Variants in USP6NL observed in about 807,000 individuals in gnomAD.
USP6NL encodes USP6 N-terminal like, also known as USP6 N-terminal-like protein.
In USP6NL, 26 loss-of-function variants were observed where a neutral mutation model predicts 61.9. The observed-to-expected ratio is 0.42, with a 90% CI of 0.31 to 0.58. The LOEUF (loss-of-function observed/expected upper bound fraction) is 0.58. Ranked by LOEUF, USP6NL falls within the 20% of genes least tolerant of loss-of-function variation. The pLI is 0.16. For synonymous variants in USP6NL, 432 were observed against 390.1 expected (o/e 1.11, Z -1.27); for missense variants, 1,114 against 1,034.3 (o/e 1.08, Z -1.06).
At position 11,532,098 on chromosome 10, in the gene USP6NL, A is replaced by T; in HGVS notation, c.5-4531T>A. On this transcript the variant is annotated intron_variant, in intron 2 of 14. Coordinates refer to ENST00000609104, the MANE Select transcript of USP6NL (RefSeq NM_014688.5). This position sits in a 1 kb window ranked among gnomAD's most constrained non-coding sequence, Gnocchi z 4.1. ...TCATTTCCAATAAAATAAAATTTACAGCAGACCATTTTTCCTAGAGTACAT... is the reference window on the plus strand; with the variant it reads ...TCATTTCCAATAAAATAAAATTTACTGCAGACCATTTTTCCTAGAGTACAT... 1 of 1,040,500 alleles carries T rather than the reference A, an allele frequency of 9.6e-7. No individual in the cohort carries two copies. Among genetic ancestry groups the T allele is most frequent in the South Asian group, 1.6e-5 (1 of 62,618 alleles). The allele number at this position is 1,040,500 out of a possible 1,614,324, so 64.5% of individuals were successfully genotyped here. A position where few individuals can be genotyped will look rare whatever the true frequency, so the allele number is the denominator to read the frequency against.
rs1833424698 is a variant in USP6NL at position 11,485,495 on chromosome 10, T to C, written c.760-261A>G. Among the ~76,000 whole-genome samples, 1 of 152,170 alleles carries C rather than the reference T, an allele frequency of 6.6e-6. No homozygotes were observed. The highest frequency in any genetic ancestry group is 6.5e-5 in the Admixed American group (1 of 15,278). On this transcript the variant is annotated intron_variant, in intron 11 of 14. Coordinates refer to ENST00000609104, the MANE Select transcript of USP6NL (RefSeq NM_014688.5). The surrounding 1 kb of genome is among the most constrained non-coding windows in gnomAD (Gnocchi z 4.8). ...TATATATAGTTCACTAACAACGAGT[T>C]TCTGTGACCCTGAAAAAATATTTTT...
intron 5 of USP6NL, among the ~76,000 whole-genome samples, chr10:11,512,311 C>T (rs1834755113): frequency 6.6e-6 from 1 of 152,160 alleles, no homozygotes; most frequent in Non-Finnish European, 1.5e-5. Flanking sequence ...ACTAAGCCCT[C>T]CTTCTCTCTC....
chr10:11,534,253 C>T (rs957058451), intron 2 of USP6NL, among the ~76,000 whole-genome samples: 1 of 152,210 alleles, frequency 6.6e-6, no homozygotes, highest in Non-Finnish European at 1.5e-5. Flanking sequence ...GTCCTTGCTG[C>T]GTGCAGAGTT....
At chr10:11,572,023 CA>C (rs1837384189) in intron 2 of USP6NL, among the ~76,000 whole-genome samples, 1 of 150,758 alleles carries the variant, frequency 6.6e-6, no homozygotes, top group Non-Finnish European at 1.5e-5. Context: ...TTCATATATC[CA>C]CATGATGTTT....
chr10:11,527,669 C>T, intron 2 of USP6NL, 102 bp from the exon 3 acceptor site: 1 of 1,023,508 alleles, frequency 9.8e-7, no homozygotes, highest in South Asian at 1.6e-5. Context: ...TAAATACTGC[C>T]TAAAATGACA....
Position 11,474,689 on chromosome 10 carries a change from GA to G in USP6NL, c.1078+7080del, listed in dbSNP as rs1202535720. Among the ~76,000 whole-genome samples, 1 of 151,992 alleles carries G rather than the reference GA, an allele frequency of 6.6e-6. No homozygotes were observed. Reference sequence around the variant, plus strand: ...TCCTGTGCATAGAAAATTTGTCCTTGAATTAATGATTTTTTTTAAAAAAAAC... The same window carrying G: ...TCCTGTGCATAGAAAATTTGTCCTTGATTAATGATTTTTTTTAAAAAAAAC... On this transcript the variant is annotated intron_variant, in intron 14 of 14. Coordinates refer to ENST00000609104, the MANE Select transcript of USP6NL (RefSeq NM_014688.5). The surrounding 1 kb of genome is among the most constrained non-coding windows in gnomAD (Gnocchi z 4.9).
At position 11,528,611 on chromosome 10, in the gene USP6NL, A is replaced by G. The variant is rs1163331014; in HGVS notation, c.5-1044T>C. Among the ~76,000 whole-genome samples, 2 of 152,212 alleles carry G rather than the reference A, an allele frequency of 1.3e-5. No individual in the cohort carries two copies. Among genetic ancestry groups the G allele is most frequent in the Non-Finnish European group, 2.9e-5 (2 of 68,040 alleles). ...CAGCAAAGACAGTTTTCAAATCCAG[A>G]CAGTCTTGACTCCACAGCCCACAAT... On this transcript the variant is annotated intron_variant, in intron 2 of 14. Coordinates refer to ENST00000609104, the MANE Select transcript of USP6NL (RefSeq NM_014688.5). This position sits in a 1 kb window ranked among gnomAD's most constrained non-coding sequence, Gnocchi z 4.6.
chr10:11,555,836 T>TTATGAAAGC (rs1836689585), intron 2 of USP6NL, among the ~76,000 whole-genome samples: 1 of 152,052 alleles, frequency 6.6e-6, no homozygotes, highest in African/African-American at 2.4e-5. Context: ...ACTATGAAAG[T>TTATGAAAGC]CAGAAGATAA....
rs1010841092 is a variant in USP6NL, at chr10:11,532,557, T to C, written c.5-4990A>G. On this transcript the variant is annotated intron_variant, in intron 2 of 14. Coordinates refer to ENST00000609104, the MANE Select transcript of USP6NL (RefSeq NM_014688.5). This position sits in a 1 kb window ranked among gnomAD's most constrained non-coding sequence, Gnocchi z 4.1. ...CACACCAGCCTACACCAGCATTCCA[T>C]CCGCTAACAAACAGCGGCTTGAAAG... Among the ~76,000 whole-genome samples the C allele has an allele frequency of 6.6e-6, 1 of 152,220 alleles. No individual in the cohort carries two copies. The highest frequency in any genetic ancestry group is 6.5e-5 in the Admixed American group (1 of 15,284).
intron 6 of USP6NL, among the ~76,000 whole-genome samples, chr10:11,504,352 A>T (rs2133320931): frequency 6.6e-6 from 1 of 152,336 alleles, no homozygotes; most frequent in South Asian, 2.1e-4. Flanking sequence ...AGTCCAGTTT[A>T]CAGTTGTTGA....
chr10:11,492,162 G>A (rs923849875), intron 8 of USP6NL, among the ~76,000 whole-genome samples: 4 of 152,174 alleles, frequency 2.6e-5, no homozygotes, highest in Non-Finnish European at 4.4e-5. Context: ...TCAGCTGTGA[G>A]CAGAATAATG....
At position 11,485,901 on chromosome 10, in the gene USP6NL, G is replaced by T. The variant is rs894626593; in HGVS notation, c.675C>A (p.Val225=). 16 of 1,543,816 alleles carry T rather than the reference G, an allele frequency of 1.0e-5. No individual in the cohort carries two copies. The highest frequency in any genetic ancestry group is 1.4e-5 in the Non-Finnish European group (16 of 1,145,504). The change falls in exon 11 of 15, where the codon GTC becomes GTA. Residue 225 remains valine, a synonymous_variant. Transcript: ENST00000609104. The surrounding 1 kb of genome is among the most constrained non-coding windows in gnomAD (Gnocchi z 4.8). ...GPKHAMHGFF[V]QGFPKLLRFQ... The stretch of plus-strand genomic sequence containing the variant: ...ACCTCAAGAGTTTAGGAAAACCTTG[G>T]ACAAAAAAGCCTAGAATACAAACAT...
At chr10:11,523,397 G>A (rs1357845647) in intron 4 of USP6NL, among the ~76,000 whole-genome samples, 1 of 152,104 alleles carries the variant, frequency 6.6e-6, no homozygotes, top group Admixed American at 6.5e-5. Flanking sequence ...AATTTAGCTG[G>A]CACCTATATT....
chr10:11,586,468 T>G (rs1010995282), intron 2 of USP6NL, among the ~76,000 whole-genome samples: 2 of 152,024 alleles, frequency 1.3e-5, no homozygotes, highest in African/African-American at 2.4e-5. Context: ...AATTGTGAAT[T>G]CTAACCATGA....
At chr10:11,471,524 C>T (rs1270265734) in intron 14 of USP6NL, among the ~76,000 whole-genome samples, 2 of 152,142 alleles carry the variant, frequency 1.3e-5, no homozygotes, top group Non-Finnish European at 2.9e-5. Context: ...GACACATGCA[C>T]ACGTATGTTT....
chr10:11,529,100 A>G (rs1835539119), intron 2 of USP6NL, among the ~76,000 whole-genome samples: 1 of 152,240 alleles, frequency 6.6e-6, no homozygotes, highest in African/African-American at 2.4e-5. Context: ...TTTCAAAATA[A>G]GACTTACAGA....
intron 1 of USP6NL, among the ~76,000 whole-genome samples, chr10:11,605,762 T>G (rs1465109610): frequency 6.6e-6 from 1 of 150,734 alleles, no homozygotes; most frequent in African/African-American, 2.4e-5. Flanking sequence ...CAGGGAAGAG[T>G]AGATTAGAAA....
chr10:11,475,761 C>T (rs1487160445), intron 14 of USP6NL, among the ~76,000 whole-genome samples: 1 of 152,032 alleles, frequency 6.6e-6, no homozygotes, highest in Non-Finnish European at 1.5e-5. Context: ...AGTGTCAAGA[C>T]ATCATCCACA....
chr10:11,562,816 A>G lies in USP6NL; in HGVS notation c.4+34815T>C, dbSNP rs2133539519. 1 of 979,968 alleles carries G rather than the reference A, an allele frequency of 1.0e-6. No homozygotes were observed. Among genetic ancestry groups the G allele is most frequent in the South Asian group, 4.7e-5 (1 of 21,168 alleles). The allele number at this position is 979,968 out of a possible 1,614,324, so 60.7% of individuals were successfully genotyped here. A position where few individuals can be genotyped will look rare whatever the true frequency, so the allele number is the denominator to read the frequency against. On this transcript the variant is annotated intron_variant, in intron 2 of 14. Transcript: ENST00000609104. The surrounding 1 kb of genome is among the most constrained non-coding windows in gnomAD (Gnocchi z 4.8). ...TTCTAGTTTTATTAGGCATTAGTAA[A>G]TAAGTTTTAGAAGAATAATAGTAAG...
Sources: gnomAD v4.1 joint callset for allele counts (sites outside exome capture counted in the v4.1 genomes callset) on GRCh38, gnomAD v4.1.1 for gene constraint, Gnocchi (gnomAD v3.1) non-coding constraint, MANE v1.5 for transcripts, NCBI Gene and HGNC (gene_info 2026-07-23, HGNC 2026-07-21) for gene names.